The following SASH1 variants were observed in gnomAD, a reference collection of about 807,000 sequenced individuals.
SASH1 encodes SAM and SH3 domain containing 1.
In SASH1, 44 loss-of-function variants were observed where a neutral mutation model predicts 125.2. The observed-to-expected ratio is 0.35, with a 90% CI of 0.28 to 0.45. The LOEUF (loss-of-function observed/expected upper bound fraction) is 0.45, where lower values mean the gene tolerates loss of function less well. Among genes scored for constraint, SASH1 ranks in the 20% least tolerant of loss-of-function variants. The pLI is 1.00. For missense variants in SASH1, 1,426 were observed against 1,614.5 expected (o/e 0.88, Z 2.00); for synonymous variants, 639 against 649.1 (o/e 0.98, Z 0.24).
chr6:148,407,503 A>G (rs568453683), intron 2 of SASH1, among the ~76,000 whole-genome samples: 1 of 151,916 alleles, frequency 6.6e-6, no homozygotes, highest in South Asian at 2.1e-4. Context: ...TGCTTCCATC[A>G]TTTTTCTATT....
At chr6:148,291,467 G>A (rs1313430900) in intron 1 of SASH1, among the ~76,000 whole-genome samples, 1 of 152,086 alleles carries the variant, frequency 6.6e-6, no homozygotes, top group East Asian at 1.9e-4. Flanking sequence ...GATCACTTGA[G>A]GTCAGGAGTT....
At chr6:148,351,792 T>C (rs1781739753) in intron 1 of SASH1, among the ~76,000 whole-genome samples, 1 of 137,894 alleles carries the variant, frequency 7.3e-6, no homozygotes. Context: ...GTTTTTAACC[T>C]AGAGCTAAAA....
chr6:148,343,093 C>T lies in SASH1; in HGVS notation c.26C>T (p.Pro9Leu). 1.9e-6 allele frequency: 3 copies of T among 1,546,910 alleles called. No homozygotes were observed. Among genetic ancestry groups the T allele is most frequent in the Non-Finnish European group, 2.6e-6 (3 of 1,153,478 alleles). The change falls in exon 1 of 20, where the codon CCG becomes CTG. Residue 9 changes from proline to leucine, a missense_variant. This residue lies in a region of SASH1 where 567 missense variants were observed against 575.6 expected (regional missense o/e 0.99). Transcript: ENST00000367467. MEDAGAAG[P>L]GPEPEPEPEP... ...ATGGAGGACGCGGGAGCAGCTGGCC[C>T]GGGGCCGGAGCCTGAGCCCGAGCCC...
chr6:148,542,261 G>T (rs1782264918), intron 17 of SASH1, among the ~76,000 whole-genome samples: 2 of 152,276 alleles, frequency 1.3e-5, no homozygotes, highest in African/African-American at 2.4e-5. Flanking sequence ...GGAGTTAAGG[G>T]AAAAGAAAGT....
intron 1 of SASH1, among the ~76,000 whole-genome samples, chr6:148,327,951 A>AAAAAG (rs538066483): frequency 5.1e-4 from 75 of 148,114 alleles, no homozygotes; most frequent in East Asian, 3.3e-3. Context: ...AAAAAAAAAA[A>AAAAAG]AAAAAGAAAA....
intron 1 of SASH1, among the ~76,000 whole-genome samples, chr6:148,364,448 C>G (rs575412484): frequency 6.6e-6 from 1 of 152,192 alleles, no homozygotes; most frequent in East Asian, 1.9e-4. Context: ...ACAGTGGAAT[C>G]AGTAATTTTG....
Position 148,474,126 on chromosome 6 carries a change from T to C in SASH1, c.531T>C (p.Tyr177=). 6.2e-7 allele frequency: 1 copy of C among 1,611,068 alleles called. No individual in the cohort carries two copies. The change falls in exon 7 of 20, where the codon TAT becomes TAC. Residue 177 remains tyrosine (Y), a synonymous_variant. Transcript: ENST00000367467. The part of the protein sequence containing the change: ...RQTSKGEDVG[Y]VASEITMSDE... ...AATCTCCAGGAGAAGACGTTGGTTA[T>C]GTTGCCAGTGAAATAACGATGAGCG...
intron 8 of SASH1, chr6:148,512,586 A>G: frequency 2.0e-6 from 2 of 985,212 alleles, no homozygotes; most frequent in African/African-American, 3.5e-5. Context: ...AACTCAAACC[A>G]GACAAAACCA....
At chr6:148,384,851 T>C (rs1419446835) in intron 1 of SASH1, among the ~76,000 whole-genome samples, 2 of 152,198 alleles carry the variant, frequency 1.3e-5, no homozygotes, top group Non-Finnish European at 2.9e-5. Flanking sequence ...ATATCCATCA[T>C]TCCCAGAGTT....
At chr6:148,534,463 G>A (rs1781718674) in intron 15 of SASH1, among the ~76,000 whole-genome samples, 1 of 152,166 alleles carries the variant, frequency 6.6e-6, no homozygotes, top group South Asian at 2.1e-4. Flanking sequence ...CTCTGTGGAG[G>A]TAAAGGAATT....
the SASH1 span, among the ~76,000 whole-genome samples, chr6:148,264,653 A>T: frequency 6.6e-6 from 1 of 152,142 alleles, no homozygotes; most frequent in African/African-American, 2.4e-5. Context: ...TCTCAGCTAC[A>T]TCAACCTTTT....
At chr6:148,282,197 C>T (rs961960463) in intron 1 of SASH1, among the ~76,000 whole-genome samples, 1 of 152,192 alleles carries the variant, frequency 6.6e-6, no homozygotes, top group Admixed American at 6.5e-5. Flanking sequence ...GGGCAGGAAA[C>T]TGGCATGGCC....
chr6:148,526,626 G>A (rs2115381199), intron 11 of SASH1, among the ~76,000 whole-genome samples: 1 of 152,114 alleles, frequency 6.6e-6, no homozygotes, highest in African/African-American at 2.4e-5. Context: ...TCTTTCTCAG[G>A]GAGAAGTTTG....
At chr6:148,270,086 G>C (rs553164653), upstream of SASH1, among the ~76,000 whole-genome samples, 1 of 152,192 alleles carries the variant, frequency 6.6e-6, no homozygotes, top group Non-Finnish European at 1.5e-5. Flanking sequence ...TGTATTCAAC[G>C]GGGCAGAATT....
At chr6:148,390,614 G>A (rs959466024) in intron 2 of SASH1, among the ~76,000 whole-genome samples, 5 of 151,990 alleles carry the variant, frequency 3.3e-5, no homozygotes, top group Non-Finnish European at 5.9e-5. Context: ...GTGAAACCCC[G>A]TCTCTACTAA....
At chr6:148,379,914 C>T (rs762164483) in intron 1 of SASH1, 11 of 456,432 alleles carry the variant, frequency 2.4e-5, no homozygotes, top group East Asian at 2.1e-4. Flanking sequence ...CACCACCCCT[C>T]CCAGGCCCAG....
chr6:148,539,439 A>G (rs1264891279), intron 16 of SASH1, among the ~76,000 whole-genome samples: 1 of 152,088 alleles, frequency 6.6e-6, no homozygotes, highest in Non-Finnish European at 1.5e-5. Flanking sequence ...CCTACTTACA[A>G]GTGAGACCGT....
chr6:148,451,017 A>G (rs545420784), intron 4 of SASH1, among the ~76,000 whole-genome samples: 1 of 152,300 alleles, frequency 6.6e-6, no homozygotes, highest in African/African-American at 2.4e-5. Context: ...TCTGTTATCT[A>G]TCTTGTCTGG....
chr6:148,321,299 G>A (rs189052076), intron 1 of SASH1, among the ~76,000 whole-genome samples: 43 of 151,758 alleles, frequency 2.8e-4, no homozygotes, highest in African/African-American at 9.2e-4. Context: ...GCTGAGGCAC[G>A]AGAATCTCTT....
Sources: allele counts gnomAD v4.1 joint callset (sites outside exome capture counted in the v4.1 genomes callset), GRCh38; gene constraint gnomAD v4.1.1; regional missense constraint gnomAD v4.1.1; transcripts MANE v1.5; gene names NCBI Gene and HGNC (gene_info 2026-07-23, HGNC 2026-07-21).